Variants in DNAH6 observed in about 807,000 individuals in gnomAD.
The protein encoded by DNAH6 is axonemal beta dynein heavy chain 6.
In DNAH6, 340 loss-of-function variants were observed where a neutral mutation model predicts 491.4. The observed-to-expected ratio is 0.69, with a 90% CI of 0.63 to 0.76. The LOEUF (loss-of-function observed/expected upper bound fraction) is 0.76, where lower values mean the gene tolerates loss of function less well. Among genes scored for constraint, DNAH6 ranks in the 30% least tolerant of loss-of-function variants. The pLI is 0.00. For missense variants in DNAH6, 4,443 were observed against 4,972.2 expected, an observed-to-expected ratio of 0.89 and a Z score of 3.20; for synonymous variants, 1,603 against 1,686.1, an observed-to-expected ratio of 0.95 and a Z score of 1.21.
the DNAH6 span, among the ~76,000 whole-genome samples, chr2:84,509,817 T>G: frequency 2.0e-5 from 3 of 152,212 alleles, no homozygotes; most frequent in Admixed American, 2.0e-4. Flanking sequence ...AGTATTTTAT[T>G]TCTCATTCAC....
the DNAH6 span, among the ~76,000 whole-genome samples, chr2:84,460,771 A>C: frequency 6.6e-6 from 1 of 152,320 alleles, no homozygotes; most frequent in South Asian, 2.1e-4. Flanking sequence ...CCCCTGTGGC[A>C]GACCAGGTCT....
chr2:84,768,044 C>T (rs1675258958), intron 64 of DNAH6, among the ~76,000 whole-genome samples: 2 of 152,100 alleles, frequency 1.3e-5, no homozygotes, highest in South Asian at 4.2e-4. Context: ...CATTAAGCCT[C>T]TTTTAGACAA....
chr2:84,581,501 T>C (rs1452583238), intron 14 of DNAH6, among the ~76,000 whole-genome samples: 2 of 152,188 alleles, frequency 1.3e-5, no homozygotes, highest in African/African-American at 2.4e-5. Flanking sequence ...AAGATACTGT[T>C]GTAACACTGG....
chr2:84,692,605 A>G (rs1452481809), intron 45 of DNAH6, among the ~76,000 whole-genome samples: 1 of 152,182 alleles, frequency 6.6e-6, no homozygotes, highest in Non-Finnish European at 1.5e-5. Context: ...TTTATATTTT[A>G]TGTCTTCTTA....
At chr2:84,760,386 G>A (rs1051444460) in intron 63 of DNAH6, among the ~76,000 whole-genome samples, 1 of 152,166 alleles carries the variant, frequency 6.6e-6, no homozygotes, top group Non-Finnish European at 1.5e-5. Context: ...TGCAGAATGG[G>A]AGAAAATACT....
intron 5 of DNAH6, among the ~76,000 whole-genome samples, chr2:84,545,670 TAAGC>T (rs1261796408): frequency 6.6e-6 from 1 of 152,160 alleles, no homozygotes; most frequent in Non-Finnish European, 1.5e-5. Flanking sequence ...CTCATCCTTT[TAAGC>T]AAGGATTGGC....
rs925907657 is a variant in DNAH6 at position 84,802,716 on chromosome 2, T to C, written c.11482-2949T>C. ...TCAATACTTGACTAATTGGACCTAA[T>C]AGACATCTACAGAATACTCCACCAA... On this transcript the variant is annotated intron_variant, in intron 70 of 76. Coordinates refer to ENST00000389394, the MANE Select transcript of DNAH6 (RefSeq NM_001370.2). 4.6e-5 allele frequency among the ~76,000 whole-genome samples: 7 copies of C among 152,266 alleles called. No individual in the cohort carries two copies. In the South Asian group the frequency reaches 1.5e-3, roughly 32 times the overall value.
intron 63 of DNAH6, among the ~76,000 whole-genome samples, chr2:84,749,354 G>A (rs1160961798): frequency 6.6e-6 from 1 of 152,194 alleles, no homozygotes; most frequent in Non-Finnish European, 1.5e-5. Flanking sequence ...GAACAAGTAG[G>A]TGGAAATTTC....
chr2:84,785,638 G>A lies in DNAH6; in HGVS notation c.10982G>A (p.Arg3661His), dbSNP rs202209954. Reference sequence around the variant, plus strand: ...ACCAATGAGCCTCCAAAAGGCTTACGTGCAAATATCAGACGAGCATTTACT... The same window carrying A: ...ACCAATGAGCCTCCAAAAGGCTTACATGCAAATATCAGACGAGCATTTACT... The part of the protein sequence containing the change: ...KVTNEPPKGL[R>H]ANIRRAFTEM... The change falls in exon 67 of 77, where the codon CGT (arginine) becomes CAT (histidine). Residue 3661 changes from arginine (R) to histidine (H), a missense_variant. This residue lies in a region of DNAH6 where 1,463 missense variants were observed against 1,656.6 expected (regional missense o/e 0.88). Coordinates refer to ENST00000389394, the MANE Select transcript of DNAH6 (RefSeq NM_001370.2). The A allele has an allele frequency of 1.2e-4, 181 of 1,544,636 alleles. 1 individual carries two copies. The highest frequency in any genetic ancestry group is 3.3e-4 in the Middle Eastern group (2 of 5,978).
chr2:84,660,320 C>G (rs1308793202), intron 37 of DNAH6, among the ~76,000 whole-genome samples: 1 of 151,952 alleles, frequency 6.6e-6, no homozygotes, highest in African/African-American at 2.4e-5. Flanking sequence ...ATTTAAGCAT[C>G]AAAATCAATA....
intron 4 of DNAH6, among the ~76,000 whole-genome samples, chr2:84,541,899 T>C (rs1573552727): frequency 2.6e-5 from 4 of 152,220 alleles, no homozygotes; most frequent in South Asian, 2.1e-4. Context: ...CATTCTGCGA[T>C]GGACTCAGAA....
intron 14 of DNAH6, among the ~76,000 whole-genome samples, chr2:84,582,959 A>G (rs1255716788): frequency 6.6e-6 from 1 of 152,190 alleles, no homozygotes; most frequent in Non-Finnish European, 1.5e-5. Context: ...TCACAGTTTG[A>G]TGCTCCTTGG....
intron 30 of DNAH6, among the ~76,000 whole-genome samples, chr2:84,635,976 T>C (rs1369390856): frequency 1.3e-5 from 2 of 152,186 alleles, no homozygotes; most frequent in Non-Finnish European, 2.9e-5. Context: ...GACCCATCAC[T>C]ATTAATCCCA....
intron 68 of DNAH6, among the ~76,000 whole-genome samples, chr2:84,788,524 A>G (rs1426824296): frequency 2.6e-5 from 4 of 152,348 alleles, no homozygotes; most frequent in Non-Finnish European, 5.9e-5. Flanking sequence ...AACAATCTTG[A>G]AAAAAAGAAT....
chr2:84,747,879 G>A (rs1214229714), intron 63 of DNAH6, among the ~76,000 whole-genome samples: 1 of 152,200 alleles, frequency 6.6e-6, no homozygotes, highest in Non-Finnish European at 1.5e-5. Context: ...TCACATGGAA[G>A]CCACCAAGGC....
chr2:84,625,702 A>G (rs1438395406), intron 29 of DNAH6, among the ~76,000 whole-genome samples: 3 of 152,196 alleles, frequency 2.0e-5, no homozygotes, highest in Non-Finnish European at 4.4e-5. Flanking sequence ...AACAAAAAAC[A>G]TTGTCCCACT....
intron 33 of DNAH6, among the ~76,000 whole-genome samples, chr2:84,651,447 G>A (rs1446603068): frequency 2.0e-5 from 3 of 152,198 alleles, no homozygotes; most frequent in Non-Finnish European, 4.4e-5. Flanking sequence ...CTGCTGGTGA[G>A]GGTAGGAATA....
At chr2:84,762,986 T>A (rs1674734647) in intron 64 of DNAH6, 41 bp downstream of exon 64, 7 of 1,452,210 alleles carry the variant, frequency 4.8e-6, no homozygotes, top group Non-Finnish European at 6.6e-6. Context: ...CAAATGCATA[T>A]GAACATCTCT....
Position 84,584,250 on chromosome 2 carries a change from G to C in DNAH6, c.2481G>C (p.Gln827His). The C allele has an allele frequency of 1.2e-6, 2 of 1,612,402 alleles. No individual in the cohort carries two copies. The highest frequency in any genetic ancestry group is 1.7e-6 in the Non-Finnish European group (2 of 1,178,756). The change falls in exon 15 of 77, where the codon CAG (glutamine) becomes CAC (histidine). Residue 827 changes from glutamine to histidine, a missense_variant and splice_region_variant. Physicochemically the swap from Gln to His is conservative, Grantham distance 24. This residue lies in a region of DNAH6 where 2,977 missense variants were observed against 3,296.6 expected (regional missense o/e 0.90). Transcript: ENST00000389394. ...TGAATGAAGTAAAACTGCAAGCACA[G>C]GTAAGCTAAATCATTATTTTGTAAA... Reference protein sequence around the residue: ...NEVNEVKLQAQDPQILDISAD... With the variant: ...NEVNEVKLQAHDPQILDISAD...
Sources: gnomAD v4.1 joint callset for allele counts (sites outside exome capture counted in the v4.1 genomes callset) on GRCh38, gnomAD v4.1.1 for gene constraint, gnomAD v4.1.1 regional missense constraint, MANE v1.5 for transcripts, NCBI Gene and HGNC (gene_info 2026-07-23, HGNC 2026-07-21) for gene names.